Variants in LARP4 observed in about 807,000 individuals in gnomAD.
LARP4 encodes la-related protein 4.
In LARP4, 29 loss-of-function variants were observed where a neutral mutation model predicts 92.9. The ratio of observed to expected loss-of-function variants is 0.31; its 90% confidence interval spans 0.23 to 0.43. LARP4 has a LOEUF of 0.43. Ranked by LOEUF, LARP4 falls within the 20% of genes least tolerant of loss-of-function variation. LARP4 has a pLI of 1.00. For missense variants in LARP4, 732 were observed against 860.0 expected (o/e 0.85, Z 1.86); for synonymous variants, 279 against 284.1 (o/e 0.98, Z 0.18).
chr12:50,413,194 G>T (rs1247867970), intron 1 of LARP4, among the ~76,000 whole-genome samples: 1 of 148,738 alleles, frequency 6.7e-6, no homozygotes, highest in Non-Finnish European at 1.5e-5. Context: ...CTGCACTCCA[G>T]CCTGGGCGAC....
At chr12:50,426,418 C>A (rs1159375691) in intron 1 of LARP4, among the ~76,000 whole-genome samples, 2 of 152,184 alleles carry the variant, frequency 1.3e-5, no homozygotes, top group African/African-American at 4.8e-5. Flanking sequence ...ATTCATCAAT[C>A]AATTCAGCTT....
intron 1 of LARP4, 23 bp from the exon 2 acceptor site, chr12:50,427,739 A>C: frequency 1.4e-6 from 2 of 1,445,626 alleles, no homozygotes; most frequent in East Asian, 2.4e-5. Context: ...AAAAATTTAC[A>C]AATAGATCCT....
At chr12:50,467,158 A>G (rs1015827093) in intron 13 of LARP4, 38 bp downstream of exon 13, 3 of 1,501,560 alleles carry the variant, frequency 2.0e-6, no homozygotes, top group Non-Finnish European at 1.8e-6. Context: ...TTATGAGACC[A>G]TATTTAGGCT....
At chr12:50,453,339 A>G in intron 8 of LARP4, 121 bp from the exon 9 acceptor site, 2 of 557,076 alleles carry the variant, frequency 3.6e-6, no homozygotes, top group East Asian at 2.9e-5. Context: ...CTTTTGCTCT[A>G]CTGATTCTAC....
At chr12:50,430,737 A>G (rs2137160329) in intron 4 of LARP4, among the ~76,000 whole-genome samples, 167 bp downstream of exon 4, 1 of 151,278 alleles carries the variant, frequency 6.6e-6, no homozygotes, top group East Asian at 2.0e-4. Context: ...CTCGGCTCAC[A>G]GCAGCCTCCG....
At position 50,408,827 on chromosome 12, in the gene LARP4, G is replaced by A. The variant is rs552918778; in HGVS notation, c.18+7799G>A. On this transcript the variant is annotated intron_variant, in intron 1 of 15. Coordinates refer to ENST00000398473, the MANE Select transcript of LARP4 (RefSeq NM_052879.5). ...CAAAGTAACATAATGCACGTAAGTG[G>A]GTACTGAAATATTTGTTACATTGGG... 2.6e-5 allele frequency among the ~76,000 whole-genome samples: 4 copies of A among 152,196 alleles called. No homozygotes were observed. The East Asian group carries it at 5.8e-4, about 22-fold the overall frequency.
chr12:50,467,222 TC>T, intron 13 of LARP4, 102 bp downstream of exon 13: 1 of 855,714 alleles, frequency 1.2e-6, no homozygotes, highest in Non-Finnish European at 1.7e-6. Context: ...TACATTTCTA[TC>T]ATAGTTTTTA....
chr12:50,401,983 G>T lies in LARP4; in HGVS notation c.18+955G>T, dbSNP rs11169416. Among the ~76,000 whole-genome samples, 77 of 152,210 alleles carry T rather than the reference G, an allele frequency of 5.1e-4. No homozygotes were observed. The East Asian group carries it at 0.015, about 29-fold the overall frequency. ...TTCCAGATCATATTGTTCTTACATT[G>T]TGAAAACGTCAAACCAGCAAAGCTG... On this transcript the variant is annotated intron_variant, in intron 1 of 15. Coordinates refer to ENST00000398473, the MANE Select transcript of LARP4 (RefSeq NM_052879.5).
intron 15 of LARP4, among the ~76,000 whole-genome samples, chr12:50,474,678 T>G (rs574973428): frequency 6.6e-6 from 1 of 152,274 alleles, no homozygotes; most frequent in South Asian, 2.1e-4. Flanking sequence ...TTTTTTTCTG[T>G]TCATATGGTT....
At chr12:50,440,099 C>G (rs562942043) in intron 6 of LARP4, among the ~76,000 whole-genome samples, 4 of 152,292 alleles carry the variant, frequency 2.6e-5, no homozygotes, top group South Asian at 4.1e-4. Context: ...GAAATACTTA[C>G]GCTTTGCTTA....
At chr12:50,438,869 A>G (rs968815794) in intron 6 of LARP4, among the ~76,000 whole-genome samples, 6 of 152,204 alleles carry the variant, frequency 3.9e-5, no homozygotes, top group Admixed American at 1.3e-4. Context: ...ATAAGGTGAT[A>G]TACATTAAAG....
intron 1 of LARP4, among the ~76,000 whole-genome samples, chr12:50,404,846 C>T (rs188056753): frequency 5.9e-5 from 9 of 151,804 alleles, no homozygotes; most frequent in East Asian, 2.0e-4. Context: ...CATGCCACCA[C>T]GCCCAACTAA....
intron 1 of LARP4, among the ~76,000 whole-genome samples, chr12:50,406,751 C>G (rs1338568698): frequency 1.3e-5 from 2 of 152,112 alleles, no homozygotes; most frequent in African/African-American, 2.4e-5. Context: ...GAATCTTGCT[C>G]TGTTGCCCAG....
At chr12:50,469,801 C>T (rs565167088) in intron 13 of LARP4, among the ~76,000 whole-genome samples, 2 of 151,374 alleles carry the variant, frequency 1.3e-5, no homozygotes, top group South Asian at 4.2e-4. Flanking sequence ...CCCAGCTACT[C>T]TGGAGGCTGA....
At position 50,475,870 on chromosome 12, in the gene LARP4, A is replaced by G; in HGVS notation, c.*6A>G. ...CACCCAGATCACCAAAGTAAAAAAC[A>G]ACAAAACTATTCAAAAACTTCACTC... On this transcript the variant is annotated 3_prime_UTR_variant, in exon 16 of 16. Coordinates refer to ENST00000398473, the MANE Select transcript of LARP4 (RefSeq NM_052879.5). 6.2e-7 allele frequency: 1 copy of G among 1,608,286 alleles called. No homozygotes were observed. Among genetic ancestry groups the G allele is most frequent in the Non-Finnish European group, 8.5e-7 (1 of 1,176,562 alleles).
At chr12:50,428,239 G>A (rs1949113060) in intron 2 of LARP4, among the ~76,000 whole-genome samples, 1 of 152,004 alleles carries the variant, frequency 6.6e-6, no homozygotes, top group Non-Finnish European at 1.5e-5. Flanking sequence ...TATTGGCCAG[G>A]CTGGTCTCGA....
chr12:50,437,775 G>T lies in LARP4; in HGVS notation c.576G>T (p.Val192=). The change falls in exon 6 of 16, where the codon GTG becomes GTT. Residue 192 remains valine, a synonymous_variant. Transcript: ENST00000398473. ...MVQVDEKGEK[V]RPSHKRCIVI... ...AAGTTGATGAGAAGGGTGAGAAAGTGAGACCAAGTCATAAGCGTTGTATTG... is the reference window on the plus strand; with the variant it reads ...AAGTTGATGAGAAGGGTGAGAAAGTTAGACCAAGTCATAAGCGTTGTATTG... 2 of 1,612,282 alleles carry T rather than the reference G, an allele frequency of 1.2e-6. No individual in the cohort carries two copies. The highest frequency in any genetic ancestry group is 1.7e-6 in the Non-Finnish European group (2 of 1,178,718).
At chr12:50,467,692 G>A (rs1341737600) in intron 13 of LARP4, among the ~76,000 whole-genome samples, 1 of 152,124 alleles carries the variant, frequency 6.6e-6, no homozygotes. Context: ...CCATTTATGT[G>A]CCTATAATTC....
At chr12:50,407,959 C>T (rs1365606249) in intron 1 of LARP4, among the ~76,000 whole-genome samples, 1 of 152,106 alleles carries the variant, frequency 6.6e-6, no homozygotes, top group South Asian at 2.1e-4. Flanking sequence ...ACTCATCTTT[C>T]CTGTCTTACC....
Sources: allele counts gnomAD v4.1 joint callset (sites outside exome capture counted in the v4.1 genomes callset), GRCh38; gene constraint gnomAD v4.1.1; transcripts MANE v1.5; gene names NCBI Gene and HGNC (gene_info 2026-07-23, HGNC 2026-07-21).